Variants in SLC35F3 observed in about 807,000 individuals in gnomAD.
SLC35F3 encodes the protein putative thiamine transporter SLC35F3.
A neutral mutation model predicts 49.9 loss-of-function variants in SLC35F3; 25 were observed. The observed-to-expected ratio is 0.50, with a 90% CI of 0.37 to 0.70. The LOEUF (loss-of-function observed/expected upper bound fraction) is 0.70. Ranked by LOEUF, SLC35F3 falls within the 30% of genes least tolerant of loss-of-function variation. The pLI is 0.00. For synonymous variants in SLC35F3, 275 were observed against 265.4 expected (o/e 1.04, Z -0.35); for missense variants, 525 against 639.8 (o/e 0.82, Z 1.94).
chr1:234,047,540 G>A (rs373463421), intron 2 of SLC35F3, among the ~76,000 whole-genome samples: 5 of 152,120 alleles, frequency 3.3e-5, no homozygotes, highest in Non-Finnish European at 7.3e-5. Flanking sequence ...TTCTTCCTGC[G>A]TCATGAACTT....
intron 2 of SLC35F3, among the ~76,000 whole-genome samples, chr1:234,071,126 G>C (rs1350512): frequency 6.6e-6 from 1 of 152,158 alleles, no homozygotes; most frequent in Non-Finnish European, 1.5e-5. Flanking sequence ...GTGTGGAGAG[G>C]ACCCAAGAGC....
chr1:234,179,229 T>C (rs1418011015), intron 2 of SLC35F3, among the ~76,000 whole-genome samples: 1 of 152,198 alleles, frequency 6.6e-6, no homozygotes. Context: ...TTTTAGGGAA[T>C]GTTCCAATTT....
chr1:233,933,488 T>C (rs1662278562), intron 2 of SLC35F3, among the ~76,000 whole-genome samples: 2 of 152,002 alleles, frequency 1.3e-5, no homozygotes, highest in African/African-American at 4.8e-5. Context: ...CCATGCCCAG[T>C]TAATTATTTA....
At chr1:234,213,653 A>T (rs1463345565) in intron 2 of SLC35F3, 1 of 152,268 alleles carries the variant, frequency 6.6e-6, no homozygotes, top group Admixed American at 6.5e-5. Flanking sequence ...CAAATGTCAG[A>T]TCTGCAGCTG....
chr1:234,113,110 A>G lies in SLC35F3; in HGVS notation c.284-118307A>G, dbSNP rs768736095. On this transcript the variant is annotated intron_variant, in intron 2 of 7. Transcript: ENST00000366618. ...AAGAAAAGAAAGAAAAGAAATAACT[A>G]TTAATATATGTGCTGTGCTTAAAGT... is the stretch of plus-strand genomic sequence containing the variant. 1.2e-4 allele frequency among the ~76,000 whole-genome samples: 19 copies of G among 152,270 alleles called. No individual in the cohort carries two copies. In the East Asian group the frequency reaches 2.9e-3, roughly 23 times the overall value.
rs772059600 is a variant in SLC35F3, at chr1:234,026,146, T to C, written c.283+120388T>C. Among the ~76,000 whole-genome samples, 11 of 152,280 alleles carry C rather than the reference T, an allele frequency of 7.2e-5. No homozygotes were observed. In the South Asian group the frequency reaches 8.3e-4, roughly 11 times the overall value. On this transcript the variant is annotated intron_variant, in intron 2 of 7. Coordinates refer to ENST00000366618, the MANE Select transcript of SLC35F3 (RefSeq NM_173508.4). Reference sequence around the variant, plus strand: ...TATTTCTGGGCTCTCTATTCTGCAATTGGTCTATGTGTCTATTTTTGTACC... The same window carrying C: ...TATTTCTGGGCTCTCTATTCTGCAACTGGTCTATGTGTCTATTTTTGTACC...
intron 3 of SLC35F3, among the ~76,000 whole-genome samples, chr1:234,232,052 T>C (rs1019107716): frequency 6.6e-6 from 1 of 152,134 alleles, no homozygotes; most frequent in African/African-American, 2.4e-5. Flanking sequence ...GAGAACTGTG[T>C]AGCTCAGTTC....
intron 2 of SLC35F3, among the ~76,000 whole-genome samples, chr1:234,125,390 G>A (rs191761347): frequency 6.6e-6 from 1 of 152,258 alleles, no homozygotes; most frequent in East Asian, 1.9e-4. Context: ...CGGGCTGACG[G>A]ATCATCCCCT....
intron 3 of SLC35F3, among the ~76,000 whole-genome samples, chr1:234,233,524 G>A (rs1421003747): frequency 3.3e-5 from 5 of 152,198 alleles, no homozygotes; most frequent in Non-Finnish European, 7.3e-5. Flanking sequence ...CACTTAGGGC[G>A]GGCCTGGCAC....
At chr1:233,914,805 T>C (rs1488227752) in intron 2 of SLC35F3, among the ~76,000 whole-genome samples, 5 of 152,164 alleles carry the variant, frequency 3.3e-5, no homozygotes, top group Non-Finnish European at 7.3e-5. Context: ...CAGTGGTGAA[T>C]GTGCATTGAT....
intron 3 of SLC35F3, among the ~76,000 whole-genome samples, chr1:234,232,583 A>G (rs1475003057): frequency 6.6e-6 from 1 of 151,734 alleles, no homozygotes; most frequent in Non-Finnish European, 1.5e-5. Flanking sequence ...GGCCAAGGTG[A>G]CACAGTAGGC....
chr1:234,163,932 T>C (rs942270870), intron 2 of SLC35F3, among the ~76,000 whole-genome samples: 1 of 152,046 alleles, frequency 6.6e-6, no homozygotes, highest in Non-Finnish European at 1.5e-5. Flanking sequence ...TCAGATTTCT[T>C]ATCCCAATTT....
intron 3 of SLC35F3, among the ~76,000 whole-genome samples, chr1:234,234,123 C>T (rs987213347): frequency 6.6e-6 from 1 of 152,208 alleles, no homozygotes; most frequent in Admixed American, 6.5e-5. Context: ...GAAATCACAT[C>T]TTTCATCTTC....
At chr1:234,139,113 G>A (rs1665850594) in intron 2 of SLC35F3, among the ~76,000 whole-genome samples, 1 of 152,210 alleles carries the variant, frequency 6.6e-6, no homozygotes, top group African/African-American at 2.4e-5. Context: ...ACTGAGGTCA[G>A]ACAGACTGAG....
chr1:233,919,749 TC>T (rs1342494321), intron 2 of SLC35F3, among the ~76,000 whole-genome samples: 1 of 152,070 alleles, frequency 6.6e-6, no homozygotes, highest in Non-Finnish European at 1.5e-5. Context: ...GTTCTGTCCT[TC>T]CCCCCGGCTA....
chr1:234,093,692 C>T (rs950845410), intron 2 of SLC35F3, among the ~76,000 whole-genome samples: 1 of 152,226 alleles, frequency 6.6e-6, no homozygotes, highest in Non-Finnish European at 1.5e-5. Flanking sequence ...TCTGTTTGTG[C>T]AGCTCCAGCC....
At chr1:234,149,132 G>T (rs927328154) in intron 2 of SLC35F3, among the ~76,000 whole-genome samples, 1 of 152,126 alleles carries the variant, frequency 6.6e-6, no homozygotes, top group African/African-American at 2.4e-5. Context: ...AATCAATGAC[G>T]GAATCTGTGT....
At chr1:234,120,639 C>G (rs541065724) in intron 2 of SLC35F3, among the ~76,000 whole-genome samples, 2 of 152,196 alleles carry the variant, frequency 1.3e-5, no homozygotes, top group Non-Finnish European at 2.9e-5. Flanking sequence ...GCTTGACAGT[C>G]GTTATCAGCC....
intron 2 of SLC35F3, among the ~76,000 whole-genome samples, chr1:233,965,794 T>C (rs2186104): frequency 0.28 from 42,460 of 152,126 alleles, 6,367 homozygotes; most frequent in East Asian, 0.59. Context: ...AGATTCCTAA[T>C]ACCTCAAAAC....
Sources: allele counts gnomAD v4.1 joint callset (sites outside exome capture counted in the v4.1 genomes callset), GRCh38; gene constraint gnomAD v4.1.1; transcripts MANE v1.5; gene names NCBI Gene and HGNC (gene_info 2026-07-23, HGNC 2026-07-21).